The following GRIK4 variants were observed in gnomAD, a reference collection of about 807,000 sequenced individuals.
The protein encoded by GRIK4 is glutamate ionotropic receptor kainate type subunit 4.
Under a neutral mutation model 104.9 loss-of-function variants are expected in GRIK4, and 40 were observed. That is an observed-to-expected ratio of 0.38 (90% CI 0.30 to 0.50). The LOEUF (loss-of-function observed/expected upper bound fraction) is 0.50. GRIK4 is among the 20% of genes least tolerant of loss of function. GRIK4 has a pLI of 0.93. For missense variants in GRIK4, 1,047 were observed against 1,308.1 expected, an observed-to-expected ratio of 0.80 and a Z score of 3.08; for synonymous variants, 485 against 524.9, an observed-to-expected ratio of 0.92 and a Z score of 1.04.
At chr11:120,649,973 C>T (rs1949596734) in intron 1 of GRIK4, among the ~76,000 whole-genome samples, 1 of 152,162 alleles carries the variant, frequency 6.6e-6, no homozygotes, top group African/African-American at 2.4e-5. Context: ...GTGGTCTTTG[C>T]CAGGAGCGCA....
chr11:120,591,412 G>A (rs1948731072), intron 1 of GRIK4, among the ~76,000 whole-genome samples: 3 of 152,094 alleles, frequency 2.0e-5, no homozygotes, highest in Non-Finnish European at 4.4e-5. Context: ...TGCCTTAATA[G>A]GGCACCATCC....
intron 11 of GRIK4, among the ~76,000 whole-genome samples, chr11:120,895,620 G>A (rs143732664): frequency 6.6e-6 from 1 of 152,314 alleles, no homozygotes; most frequent in East Asian, 1.9e-4. Flanking sequence ...AGAGACAGCA[G>A]CAGAAACAAG....
At chr11:120,698,169 G>A (rs996993275) in intron 3 of GRIK4, among the ~76,000 whole-genome samples, 4 of 151,990 alleles carry the variant, frequency 2.6e-5, no homozygotes, top group Admixed American at 6.6e-5. Context: ...AGAGTATAAC[G>A]TTTCTACATA....
chr11:120,925,961 G>A (rs547771819), intron 13 of GRIK4, among the ~76,000 whole-genome samples: 10 of 143,134 alleles, frequency 7.0e-5, no homozygotes, highest in African/African-American at 1.3e-4. Context: ...GCATCAGAGC[G>A]AGACTCCATC....
intron 20 of GRIK4, among the ~76,000 whole-genome samples, chr11:120,985,160 A>G (rs1444994345): frequency 1.3e-5 from 2 of 152,080 alleles, no homozygotes; most frequent in Non-Finnish European, 2.9e-5. Flanking sequence ...CAGTTCTGAC[A>G]CCTAAAAAGC....
chr11:120,985,024 T>C (rs1719102926), intron 20 of GRIK4, among the ~76,000 whole-genome samples: 1 of 151,860 alleles, frequency 6.6e-6, no homozygotes, highest in South Asian at 2.1e-4. Flanking sequence ...AGACAGGGTT[T>C]CACCATGTTG....
Position 120,905,337 on chromosome 11 carries a change from C to T in GRIK4, c.1320C>T (p.Gly440=). ...AGGGGAACCACCAGGAGATGGAAGG[C>T]AATGACCGCTACGAGGGCTTCTGTG... ...MLKGNHQEME[G]NDRYEGFCVD... The change falls in exon 13 of 21, where the codon GGC becomes GGT. Residue 440 remains glycine, a synonymous_variant. Coordinates refer to ENST00000527524, the MANE Select transcript of GRIK4 (RefSeq NM_014619.5). This position sits in a 1 kb window ranked among gnomAD's most constrained non-coding sequence, Gnocchi z 5.1. 1 of 1,614,044 alleles carries T rather than the reference C, an allele frequency of 6.2e-7. No individual in the cohort carries two copies. Among genetic ancestry groups the T allele is most frequent in the Non-Finnish European group, 8.5e-7 (1 of 1,179,884 alleles).
intron 1 of GRIK4, among the ~76,000 whole-genome samples, chr11:120,593,139 C>T (rs145999580): frequency 1.7e-4 from 25 of 148,244 alleles, no homozygotes; most frequent in African/African-American, 5.0e-4. Context: ...GCCAAGATCG[C>T]GCATTGCATT....
chr11:120,794,351 G>A (rs543735910), intron 3 of GRIK4, among the ~76,000 whole-genome samples: 1 of 151,984 alleles, frequency 6.6e-6, no homozygotes. Flanking sequence ...TGAGGGTAAG[G>A]GTGGTGTTAG....
In GRIK4 at chr11:120,652,400, G is replaced by A. The variant is rs533803055; in HGVS notation, c.-158-1285G>A. Reference sequence around the variant, plus strand: ...TGGCATCTCCCCATTTGTTGTCAGGGAGAGAGGACACCTAGAAAGTGCTGC... The same window carrying A: ...TGGCATCTCCCCATTTGTTGTCAGGAAGAGAGGACACCTAGAAAGTGCTGC... On this transcript the variant is annotated intron_variant, in intron 1 of 20. Transcript: ENST00000527524. Among the ~76,000 whole-genome samples, 6 of 152,244 alleles carry A rather than the reference G, an allele frequency of 3.9e-5. No homozygotes were observed. The East Asian group carries it at 1.2e-3, about 29-fold the overall frequency.
At chr11:120,786,336 G>A (rs1302575033) in intron 3 of GRIK4, among the ~76,000 whole-genome samples, 1 of 152,092 alleles carries the variant, frequency 6.6e-6, no homozygotes, top group Admixed American at 6.5e-5. Context: ...TCTCACCATC[G>A]CATTCCCCTG....
intron 1 of GRIK4, among the ~76,000 whole-genome samples, chr11:120,567,896 T>G (rs1319769307): frequency 1.3e-5 from 2 of 152,272 alleles, no homozygotes; most frequent in East Asian, 3.9e-4. Flanking sequence ...AAATCTACAG[T>G]AGGCCAGGCA....
intron 14 of GRIK4, among the ~76,000 whole-genome samples, chr11:120,946,929 C>A (rs1299342812): frequency 6.6e-6 from 1 of 152,190 alleles, no homozygotes; most frequent in African/African-American, 2.4e-5. Context: ...AGGTCCCAAG[C>A]CAGCTAGAAC....
intron 16 of GRIK4, among the ~76,000 whole-genome samples, chr11:120,957,625 G>GTGTGTGTGTGTGTATA (rs375508071): frequency 4.2e-5 from 6 of 144,518 alleles, no homozygotes; most frequent in African/African-American, 1.6e-4. Context: ...GTGTGTGTGT[G>GTGTGTGTGTGTGTATA]TAGCCTAGAG....
At chr11:120,564,534 AC>A (rs1175390920) in intron 1 of GRIK4, 2 of 151,990 alleles carry the variant, frequency 1.3e-5, no homozygotes, top group Non-Finnish European at 2.9e-5. Flanking sequence ...CCCAGAGAGG[AC>A]CCCATCCCCT....
intron 3 of GRIK4, among the ~76,000 whole-genome samples, chr11:120,738,585 A>C (rs1024432755): frequency 1.3e-5 from 2 of 151,964 alleles, no homozygotes; most frequent in Non-Finnish European, 2.9e-5. Context: ...TGCCCAGTGC[A>C]TGATGCTGAA....
intron 3 of GRIK4, among the ~76,000 whole-genome samples, chr11:120,759,035 G>C (rs1951699587): frequency 6.6e-6 from 1 of 152,124 alleles, no homozygotes; most frequent in South Asian, 2.1e-4. Flanking sequence ...GAGAGTCAAG[G>C]GTACTGTGGA....
chr11:120,858,036 C>T (rs941005830), intron 8 of GRIK4, among the ~76,000 whole-genome samples: 2 of 152,260 alleles, frequency 1.3e-5, no homozygotes, highest in Admixed American at 6.5e-5. Flanking sequence ...CAATGGGAGT[C>T]GATTCCTGTT....
intron 14 of GRIK4, among the ~76,000 whole-genome samples, chr11:120,942,115 T>G (rs569708542): frequency 6.6e-6 from 1 of 152,234 alleles, no homozygotes; most frequent in Non-Finnish European, 1.5e-5. Context: ...ATCACTTGCA[T>G]AGGGCACTTT....
Sources: gnomAD v4.1 joint callset for allele counts (sites outside exome capture counted in the v4.1 genomes callset) on GRCh38, gnomAD v4.1.1 for gene constraint, Gnocchi (gnomAD v3.1) non-coding constraint, MANE v1.5 for transcripts, NCBI Gene and HGNC (gene_info 2026-07-23, HGNC 2026-07-21) for gene names.